The following KCNT2 variants were observed in gnomAD, a reference collection of about 807,000 sequenced individuals.
The protein encoded by KCNT2 is potassium sodium-activated channel subfamily T member 2, also known as potassium channel subfamily T member 2.
In KCNT2, 67 loss-of-function variants were observed where a neutral mutation model predicts 153.8. The observed-to-expected ratio is 0.44, with a 90% CI of 0.36 to 0.53. The LOEUF (loss-of-function observed/expected upper bound fraction) is 0.53, where lower values mean the gene tolerates loss of function less well. KCNT2 is among the 20% of genes least tolerant of loss of function. KCNT2 has a pLI of 0.00. For missense variants in KCNT2, 975 were observed against 1,354.8 expected (o/e 0.72, Z 4.40); for synonymous variants, 500 against 458.8 (o/e 1.09, Z -1.15).
At chr1:196,607,853 G>GA (rs1665490662) in intron 1 of KCNT2, among the ~76,000 whole-genome samples, 1 of 152,014 alleles carries the variant, frequency 6.6e-6, no homozygotes, top group African/African-American at 2.4e-5. Context: ...CACACCTAAG[G>GA]AAAAAATGCA....
At chr1:196,339,342 T>A (rs1183928920) in intron 16 of KCNT2, among the ~76,000 whole-genome samples, 1 of 152,108 alleles carries the variant, frequency 6.6e-6, no homozygotes, top group Non-Finnish European at 1.5e-5. Flanking sequence ...TTCAGTGATA[T>A]GACTGCAGGT....
chr1:196,578,324 G>GT (rs1466242617), intron 1 of KCNT2, among the ~76,000 whole-genome samples: 6 of 152,146 alleles, frequency 3.9e-5, no homozygotes, highest in African/African-American at 1.4e-4. Flanking sequence ...AAGCACCTCA[G>GT]TACCTGGAAA....
intron 26 of KCNT2, among the ~76,000 whole-genome samples, chr1:196,241,842 C>A (rs902329996): frequency 6.6e-6 from 1 of 151,936 alleles, no homozygotes; most frequent in Non-Finnish European, 1.5e-5. Context: ...ATGTCACTAC[C>A]CTACTTGTGT....
chr1:196,302,662 T>A (rs139257444), intron 22 of KCNT2, among the ~76,000 whole-genome samples: 107 of 152,164 alleles, frequency 7.0e-4, no homozygotes, highest in Middle Eastern at 6.8e-3. Flanking sequence ...ACCCACACTA[T>A]GGTCTCCTTT....
rs530073249 is a variant in KCNT2 at position 196,336,170 on chromosome 1, T to C, written c.1784-2110A>G. ...ATTTTTGGCAGTTTCACCATACACA[T>C]AGATGATCCTTCCAACATTCCAGAC... On this transcript the variant is annotated intron_variant, in intron 16 of 27. Transcript: ENST00000294725. Among the ~76,000 whole-genome samples, 53 of 152,248 alleles carry C rather than the reference T, an allele frequency of 3.5e-4. 1 individual carries two copies. The highest frequency in any genetic ancestry group is 6.0e-4 in the Non-Finnish European group (41 of 68,008).
At chr1:196,275,212 C>T (rs951681639) in intron 25 of KCNT2, among the ~76,000 whole-genome samples, 2 of 151,788 alleles carry the variant, frequency 1.3e-5, no homozygotes, top group Non-Finnish European at 2.9e-5. Flanking sequence ...GTGTCCCTGT[C>T]CTTCCTATAT....
intron 1 of KCNT2, among the ~76,000 whole-genome samples, chr1:196,494,902 C>T (rs1229868466): frequency 6.6e-6 from 1 of 151,724 alleles, no homozygotes; most frequent in African/African-American, 2.4e-5. Flanking sequence ...TTTGAAATGG[C>T]CATCAATGTG....
Position 196,258,504 on chromosome 1 carries a change from AAATAGATATTGAT to A in KCNT2, c.2911-23_2911-11del. 6.9e-7 allele frequency: 1 copy of A among 1,444,230 alleles called. No homozygotes were observed. The highest frequency in any genetic ancestry group is 9.6e-7 in the Non-Finnish European group (1 of 1,044,816). The allele number at this position is 1,444,230 out of a possible 1,614,324, so 89.5% of individuals were successfully genotyped here. ...TGATAGATATTTGAGACTTTAAAGG[AAATAGATATTGAT>A]AATTAGATACTTTAGAAATAAATAT... On this transcript the variant is annotated splice_polypyrimidine_tract_variant and intron_variant, in intron 25 of 27. Transcript: ENST00000294725.
At chr1:196,258,617 A>T in intron 25 of KCNT2, 123 bp from the exon 26 acceptor site, 1 of 778,092 alleles carries the variant, frequency 1.3e-6, no homozygotes, top group Non-Finnish European at 2.1e-6. Context: ...TCACAGAAAG[A>T]GCAAAATCAG....
intron 13 of KCNT2, among the ~76,000 whole-genome samples, chr1:196,382,082 AATTTATTT>A (rs547804260): frequency 2.0e-4 from 29 of 143,248 alleles, no homozygotes; most frequent in African/African-American, 7.2e-4. Context: ...TGTTTAACCA[AATTTATTT>A]ATTTATTTAT....
At chr1:196,267,021 G>A (rs1313553399) in intron 25 of KCNT2, among the ~76,000 whole-genome samples, 1 of 152,172 alleles carries the variant, frequency 6.6e-6, no homozygotes, top group Non-Finnish European at 1.5e-5. Context: ...CACAGTTACA[G>A]GGAAAGGCTT....
At chr1:196,523,773 C>T (rs181650574) in intron 1 of KCNT2, among the ~76,000 whole-genome samples, 67 of 152,228 alleles carry the variant, frequency 4.4e-4, no homozygotes, top group Admixed American at 8.5e-4. Flanking sequence ...TGAAAATAAG[C>T]GATTCAAATT....
intron 17 of KCNT2, among the ~76,000 whole-genome samples, chr1:196,331,847 A>C (rs1003445016): frequency 6.6e-6 from 1 of 152,174 alleles, no homozygotes; most frequent in Non-Finnish European, 1.5e-5. Flanking sequence ...AAATGGAACA[A>C]ATAACTGAGC....
intron 12 of KCNT2, among the ~76,000 whole-genome samples, chr1:196,403,754 T>A (rs1671609214): frequency 6.6e-6 from 1 of 151,552 alleles, no homozygotes; most frequent in South Asian, 2.1e-4. Context: ...GTCTAGTTTA[T>A]TTTTTTAAAA....
In KCNT2 at chr1:196,454,268, G is replaced by A. The variant is rs151232889; in HGVS notation, c.638+11025C>T. ...ACTGAGGGTACATGTGCAGATTTATGACATAGATATAGTGCATGATGCTAA... is the reference window on the plus strand; with the variant it reads ...ACTGAGGGTACATGTGCAGATTTATAACATAGATATAGTGCATGATGCTAA... On this transcript the variant is annotated intron_variant, in intron 8 of 27. Coordinates refer to ENST00000294725, the MANE Select transcript of KCNT2 (RefSeq NM_198503.5). 9.9e-5 allele frequency among the ~76,000 whole-genome samples: 15 copies of A among 151,988 alleles called. No individual in the cohort carries two copies. The East Asian group carries it at 2.9e-3, about 30-fold the overall frequency.
In KCNT2 at chr1:196,299,712, A is replaced by G. The variant is rs145723208; in HGVS notation, c.2595+5522T>C. On this transcript the variant is annotated intron_variant, in intron 22 of 27. Transcript: ENST00000294725. ...AAAATGAAGATTCTTCAAAAAACTA[A>G]TAGAACTGCCACATGATCCAGTAAT... is the stretch of plus-strand genomic sequence containing the variant. Among the ~76,000 whole-genome samples, 318 of 152,246 alleles carry G rather than the reference A, an allele frequency of 2.1e-3. 2 individuals carry two copies. The highest frequency in any genetic ancestry group is 7.1e-3 in the African/African-American group (296 of 41,552).
chr1:196,292,747 A>G (rs12060857), intron 22 of KCNT2, among the ~76,000 whole-genome samples: 39,022 of 149,590 alleles, frequency 0.26, 7,118 homozygotes, highest in African/African-American at 0.52. Flanking sequence ...GCGGGGCGGA[A>G]CTTGAAGCGA....
At chr1:196,435,928 A>G (rs1674614869) in intron 8 of KCNT2, among the ~76,000 whole-genome samples, 1 of 151,740 alleles carries the variant, frequency 6.6e-6, no homozygotes, top group South Asian at 2.1e-4. Flanking sequence ...AGTAATTTGC[A>G]CTAGCTTATC....
At chr1:196,533,293 A>G (rs969034113) in intron 1 of KCNT2, among the ~76,000 whole-genome samples, 1 of 152,096 alleles carries the variant, frequency 6.6e-6, no homozygotes, top group Non-Finnish European at 1.5e-5. Flanking sequence ...TTAGGACTGC[A>G]TATGTAAGAA....
Sources: gnomAD v4.1 joint callset for allele counts (sites outside exome capture counted in the v4.1 genomes callset) on GRCh38, gnomAD v4.1.1 for gene constraint, MANE v1.5 for transcripts, NCBI Gene and HGNC (gene_info 2026-07-23, HGNC 2026-07-21) for gene names.